The following CNTN4 variants were observed in gnomAD, a reference collection of about 807,000 sequenced individuals.
The protein encoded by CNTN4 is contactin-4.
Under a neutral mutation model 122.5 loss-of-function variants are expected in CNTN4, and 77 were observed. The observed-to-expected ratio is 0.63, with a 90% CI of 0.52 to 0.76. CNTN4 has a LOEUF of 0.76. Among genes scored for constraint, CNTN4 ranks in the 30% least tolerant of loss-of-function variants. The probability of loss-of-function intolerance (pLI) is 0.00; values close to 1 mark genes in which losing one functional copy is unlikely to be tolerated. For missense variants in CNTN4, 1,256 were observed against 1,259.1 expected (o/e 1.00, Z 0.04); for synonymous variants, 512 against 447.0 (o/e 1.15, Z -1.83).
chr3:2,578,403 C>T (rs1472211504), intron 4 of CNTN4, among the ~76,000 whole-genome samples: 1 of 152,140 alleles, frequency 6.6e-6, no homozygotes, highest in Non-Finnish European at 1.5e-5. Context: ...CCAGAAGGAT[C>T]CTCCCTTTTA....
chr3:2,448,600 C>G (rs190156138), intron 3 of CNTN4, among the ~76,000 whole-genome samples: 1 of 152,322 alleles, frequency 6.6e-6, no homozygotes, highest in Non-Finnish European at 1.5e-5. Flanking sequence ...TTATTAACAG[C>G]TCCCTTTTCT....
At chr3:2,660,094 C>G (rs1405907564) in intron 4 of CNTN4, among the ~76,000 whole-genome samples, 4 of 152,154 alleles carry the variant, frequency 2.6e-5, no homozygotes, top group Non-Finnish European at 5.9e-5. Flanking sequence ...TCCCAAGCTA[C>G]TCTGACTGTG....
intron 3 of CNTN4, among the ~76,000 whole-genome samples, chr3:2,373,919 T>A (rs747551419): frequency 6.6e-6 from 1 of 152,176 alleles, no homozygotes; most frequent in Non-Finnish European, 1.5e-5. Flanking sequence ...CAGTTTAAAC[T>A]TTTTATGGTT....
chr3:2,229,588 G>T (rs1162460576), intron 2 of CNTN4, among the ~76,000 whole-genome samples: 2 of 152,090 alleles, frequency 1.3e-5, no homozygotes, highest in African/African-American at 2.4e-5. Context: ...ATAGCTGAAA[G>T]ATAATAGTCT....
chr3:2,770,855 G>A (rs1325516387), intron 6 of CNTN4, among the ~76,000 whole-genome samples: 2 of 152,212 alleles, frequency 1.3e-5, no homozygotes, highest in East Asian at 3.9e-4. Flanking sequence ...ACCAAGCATG[G>A]CAGATAACTC....
At chr3:2,508,131 T>A (rs2076786066) in intron 3 of CNTN4, among the ~76,000 whole-genome samples, 1 of 152,222 alleles carries the variant, frequency 6.6e-6, no homozygotes, top group South Asian at 2.1e-4. Context: ...GGCCACATAT[T>A]TTCTTATGTG....
intron 3 of CNTN4, 59 bp from the exon 4 acceptor site, chr3:2,571,357 C>A: frequency 2.9e-6 from 2 of 692,662 alleles, no homozygotes; most frequent in South Asian, 1.6e-5. Flanking sequence ...GATAAACTTG[C>A]AGAGACCACA....
At chr3:2,643,116 A>G (rs2082968045) in intron 4 of CNTN4, among the ~76,000 whole-genome samples, 1 of 152,126 alleles carries the variant, frequency 6.6e-6, no homozygotes, top group African/African-American at 2.4e-5. Context: ...TTTTATCTCT[A>G]TGTATTAATC....
intron 2 of CNTN4, among the ~76,000 whole-genome samples, chr3:2,244,269 A>G (rs1160887316): frequency 6.6e-6 from 1 of 152,102 alleles, no homozygotes; most frequent in Non-Finnish European, 1.5e-5. Flanking sequence ...GTCATCTCAA[A>G]ATATCTTATT....
chr3:3,048,763 C>G (rs1700945287), intron 23 of CNTN4, among the ~76,000 whole-genome samples: 1 of 152,130 alleles, frequency 6.6e-6, no homozygotes, highest in Non-Finnish European at 1.5e-5. Context: ...AGTTTTCCTC[C>G]CAAATACTGA....
At chr3:2,359,519 T>C (rs935348976) in intron 3 of CNTN4, among the ~76,000 whole-genome samples, 14 of 152,170 alleles carry the variant, frequency 9.2e-5, no homozygotes, top group Non-Finnish European at 1.6e-4. Flanking sequence ...TGTGCTTAAC[T>C]GAAATCATGT....
At chr3:2,729,116 C>T (rs562999540) in intron 4 of CNTN4, among the ~76,000 whole-genome samples, 45 of 152,276 alleles carry the variant, frequency 3.0e-4, no homozygotes, top group Non-Finnish European at 4.7e-4. Flanking sequence ...GAATTTGCAA[C>T]AGATGGAAAT....
intron 4 of CNTN4, among the ~76,000 whole-genome samples, chr3:2,673,707 AT>A (rs1036320822): frequency 6.6e-6 from 1 of 151,104 alleles, no homozygotes; most frequent in Non-Finnish European, 1.5e-5. Context: ...CGCCCGGCTA[AT>A]TTTTTTTGCA....
At chr3:2,575,649 C>A (rs2079630393) in intron 4 of CNTN4, among the ~76,000 whole-genome samples, 1 of 152,122 alleles carries the variant, frequency 6.6e-6, no homozygotes, top group Admixed American at 6.6e-5. Context: ...AATCTGTGCT[C>A]AAATGTCACC....
chr3:2,528,620 A>G (rs2077484690), intron 3 of CNTN4, among the ~76,000 whole-genome samples: 1 of 152,184 alleles, frequency 6.6e-6, no homozygotes, highest in Non-Finnish European at 1.5e-5. Context: ...GGAGGTAGAT[A>G]GTATAGTGCA....
At chr3:2,649,443 A>G (rs1046323724) in intron 4 of CNTN4, among the ~76,000 whole-genome samples, 4 of 152,204 alleles carry the variant, frequency 2.6e-5, no homozygotes, top group African/African-American at 9.6e-5. Flanking sequence ...ATCATGCCAG[A>G]TCTACTCTGC....
At chr3:2,859,748 G>A (rs911254718) in intron 7 of CNTN4, among the ~76,000 whole-genome samples, 9 of 152,022 alleles carry the variant, frequency 5.9e-5, no homozygotes, top group Admixed American at 4.6e-4. Context: ...CATATAAGTT[G>A]TATGTCCTAT....
chr3:2,572,360 T>C (rs1232841015), intron 4 of CNTN4, among the ~76,000 whole-genome samples: 3 of 152,164 alleles, frequency 2.0e-5, no homozygotes, highest in Non-Finnish European at 4.4e-5. Context: ...CACTCCAGCC[T>C]GGGCAACAGA....
chr3:2,769,340 C>G (rs549930209), intron 6 of CNTN4, among the ~76,000 whole-genome samples: 3 of 151,956 alleles, frequency 2.0e-5, no homozygotes, highest in Non-Finnish European at 4.4e-5. Context: ...TGGCGCACAC[C>G]TGTAGTCCTA....
Sources: allele counts gnomAD v4.1 joint callset (sites outside exome capture counted in the v4.1 genomes callset), GRCh38; gene constraint gnomAD v4.1.1; transcripts MANE v1.5; gene names NCBI Gene and HGNC (gene_info 2026-07-23, HGNC 2026-07-21).